Variants in DENND4C observed in about 807,000 individuals in gnomAD.
DENND4C encodes the protein DENN domain containing 4C.
DENND4C carries 108 observed loss-of-function variants against 203.0 expected under a neutral mutation model. That is an observed-to-expected ratio of 0.53 (90% confidence interval 0.46 to 0.62). The LOEUF (loss-of-function observed/expected upper bound fraction) is 0.62. Ranked by LOEUF, DENND4C falls within the 20% of genes least tolerant of loss-of-function variation. The pLI, the probability that DENND4C is intolerant of heterozygous loss-of-function variation, is 0.00. For missense variants in DENND4C, 2,481 were observed against 2,301.2 expected (o/e 1.08, Z -1.60); for synonymous variants, 871 against 792.4 (o/e 1.10, Z -1.67).
rs187270136 is a variant in DENND4C at position 19,245,707 on chromosome 9, C to G, written c.-18+14874C>G. Among the ~76,000 whole-genome samples the G allele has an allele frequency of 5.3e-3, 813 of 151,996 alleles. 13 individuals are homozygous for G. Among genetic ancestry groups the G allele is most frequent in the Non-Finnish European group, 4.4e-3 (296 of 67,964 alleles). On this transcript the variant is annotated intron_variant, in intron 1 of 32. Coordinates refer to ENST00000434457, the MANE Select transcript of DENND4C (RefSeq NM_001330640.2). ...CCGTCTCTACTAAAAATACAAAAAA[C>G]TAGCCAGGCGTGGTGGCATGTGCTT...
In DENND4C at chr9:19,342,823, T is replaced by C. The variant is rs7034051; in HGVS notation, c.3151+44T>C. The C allele has an allele frequency of 3.0e-3, 4,373 of 1,464,010 alleles. 102 individuals are homozygous for C. In the African/African-American group the frequency reaches 0.055, roughly 18 times the overall value. 90.7% of individuals were successfully genotyped at this position (1,464,010 alleles called of 1,614,324 possible). On this transcript the variant is annotated intron_variant, in intron 22 of 32. Transcript: ENST00000434457. ...GTTATTAAATATTTAAAATATACTT[T>C]TATAGACTCATATGTGTCTTTAATG...
At chr9:19,252,980 T>G (rs1391735425) in intron 1 of DENND4C, among the ~76,000 whole-genome samples, 2 of 152,164 alleles carry the variant, frequency 1.3e-5, no homozygotes, top group African/African-American at 2.4e-5. Flanking sequence ...TCAAATGATC[T>G]GCTCCCTGTG....
chr9:19,313,705 G>C (rs7022151), intron 10 of DENND4C, among the ~76,000 whole-genome samples: 1,722 of 152,298 alleles, frequency 0.011, 32 homozygotes, highest in African/African-American at 0.037. Context: ...TTACAGAGAG[G>C]ATATTATGTT....
chr9:19,370,083 A>G (rs770794013), intron 31 of DENND4C, 96 bp downstream of exon 31: 2 of 1,408,252 alleles, frequency 1.4e-6, no homozygotes, highest in Non-Finnish European at 2.0e-6. Flanking sequence ...TGTCGAAGAA[A>G]CACATACTCA....
chr9:19,268,627 G>A (rs568341034), intron 1 of DENND4C, among the ~76,000 whole-genome samples: 2 of 152,138 alleles, frequency 1.3e-5, no homozygotes, highest in Admixed American at 6.5e-5. Context: ...TGGTGTTGAC[G>A]AAATCCCTCA....
At chr9:19,357,241 A>G in intron 27 of DENND4C, 87 bp downstream of exon 27, 1 of 1,321,212 alleles carries the variant, frequency 7.6e-7, no homozygotes, top group Non-Finnish European at 1.1e-6. Context: ...CCTGACTCAT[A>G]TAGGCATAAG....
At chr9:19,318,111 G>T (rs566928332) in intron 12 of DENND4C, among the ~76,000 whole-genome samples, 2 of 152,156 alleles carry the variant, frequency 1.3e-5, no homozygotes, top group Non-Finnish European at 2.9e-5. Context: ...CTGAGGTTAC[G>T]AGTTCGAGAC....
chr9:19,342,690 A>G lies in DENND4C; in HGVS notation c.3062A>G (p.His1021Arg), dbSNP rs750084725. Residue 1021 changes from histidine (H) to arginine (R), a missense_variant, in exon 22 of 33, where the codon CAC (histidine) becomes CGC (arginine). By Grantham distance (29) the His-to-Arg change is conservative (BLOSUM62 0). Around this residue, in one of 3 missense-constraint regions of DENND4C, gnomAD observed 2,289 missense variants for 2,113.3 expected, o/e 1.08. Coordinates refer to ENST00000434457, the MANE Select transcript of DENND4C (RefSeq NM_001330640.2). ...AKHSQPSPEP[H>R]SPTEPPAWGS... Reference sequence around the variant, plus strand: ...CATTCACAACCTAGTCCAGAGCCTCACAGTCCTACTGAACCTCCTGCATGG... The same window carrying G: ...CATTCACAACCTAGTCCAGAGCCTCGCAGTCCTACTGAACCTCCTGCATGG... 19 of 1,613,398 alleles carry G rather than the reference A, an allele frequency of 1.2e-5. No individual in the cohort carries two copies. Among genetic ancestry groups the G allele is most frequent in the Non-Finnish European group, 1.6e-5 (19 of 1,179,702 alleles).
intron 2 of DENND4C, among the ~76,000 whole-genome samples, chr9:19,283,376 C>G (rs1834520934): frequency 6.6e-6 from 1 of 151,948 alleles, no homozygotes; most frequent in Non-Finnish European, 1.5e-5. Context: ...CTGCCTGAGA[C>G]TGTTTTACAG....
chr9:19,290,747 A>G lies in DENND4C; in HGVS notation c.672A>G (p.Pro224=). ...RYPEEDYESF[P]LSESDVPLFC... ...CAGAAGAGGACTATGAGTCATTTCCACTCTCAGAATCAGATGTACCTCTTT... is the reference window on the plus strand; with the variant it reads ...CAGAAGAGGACTATGAGTCATTTCCGCTCTCAGAATCAGATGTACCTCTTT... Residue 224 remains proline (P), a synonymous_variant, in exon 5 of 33, where the codon CCA becomes CCG. Transcript: ENST00000434457. 6.4e-7 allele frequency: 1 copy of G among 1,570,250 alleles called. No individual in the cohort carries two copies.
Position 19,326,056 on chromosome 9 carries a change from A to T in DENND4C, c.1990-8A>T. ...GCAAATTAATTGGGGAAAAATAATG[A>T]TTTTCAGGTTGATTTTGATTCAGCA... is the stretch of plus-strand genomic sequence containing the variant. On this transcript the variant is annotated splice_polypyrimidine_tract_variant and splice_region_variant and intron_variant, in intron 14 of 32. Transcript: ENST00000434457. The T allele has an allele frequency of 6.2e-7, 1 of 1,606,414 alleles. No homozygotes were observed. The highest frequency in any genetic ancestry group is 8.5e-7 in the Non-Finnish European group (1 of 1,177,762).
chr9:19,252,140 G>A (rs562568744), intron 1 of DENND4C, among the ~76,000 whole-genome samples: 2 of 152,188 alleles, frequency 1.3e-5, no homozygotes, highest in African/African-American at 4.8e-5. Flanking sequence ...TGTGGCTGGG[G>A]AGGCCTCACA....
intron 9 of DENND4C, among the ~76,000 whole-genome samples, chr9:19,302,921 T>A (rs1410740051): frequency 6.6e-6 from 1 of 152,188 alleles, no homozygotes; most frequent in African/African-American, 2.4e-5. Flanking sequence ...ATGAGTCCTG[T>A]TCTGTTTGTC....
At chr9:19,319,764 A>C (rs997666305) in intron 12 of DENND4C, among the ~76,000 whole-genome samples, 2 of 152,136 alleles carry the variant, frequency 1.3e-5, no homozygotes, top group African/African-American at 4.8e-5. Flanking sequence ...AAAAAATGTA[A>C]TACTAACTAT....
intron 1 of DENND4C, among the ~76,000 whole-genome samples, chr9:19,241,002 A>G (rs1321899838): frequency 1.3e-5 from 2 of 152,164 alleles, no homozygotes; most frequent in African/African-American, 4.8e-5. Flanking sequence ...AGAACGGAAC[A>G]CAGAACAGGA....
At chr9:19,337,734 A>G in intron 20 of DENND4C, 1 of 1,021,642 alleles carries the variant, frequency 9.8e-7, no homozygotes, top group Non-Finnish European at 1.3e-6. Flanking sequence ...AAGACCTTTC[A>G]TTGTATTTTA....
At chr9:19,250,362 T>G (rs1338637308) in intron 1 of DENND4C, among the ~76,000 whole-genome samples, 1 of 152,148 alleles carries the variant, frequency 6.6e-6, no homozygotes, top group African/African-American at 2.4e-5. Context: ...GAGAATTGCT[T>G]GAACCCAGGA....
intron 10 of DENND4C, among the ~76,000 whole-genome samples, chr9:19,308,769 G>A (rs1005562027): frequency 6.6e-6 from 1 of 152,116 alleles, no homozygotes; most frequent in African/African-American, 2.4e-5. Flanking sequence ...TATTTCTTAA[G>A]TTGTGAGGTT....
intron 4 of DENND4C, among the ~76,000 whole-genome samples, chr9:19,289,244 C>T (rs182741363): frequency 1.2e-3 from 183 of 152,290 alleles, no homozygotes; most frequent in Non-Finnish European, 2.1e-3. Context: ...ATTTAAGTGT[C>T]ACGTCTTCAT....
Sources: allele counts gnomAD v4.1 joint callset (sites outside exome capture counted in the v4.1 genomes callset), GRCh38; gene constraint gnomAD v4.1.1; regional missense constraint gnomAD v4.1.1; transcripts MANE v1.5; gene names NCBI Gene and HGNC (gene_info 2026-07-23, HGNC 2026-07-21).